Variants in TRPM6 observed in about 807,000 individuals in gnomAD.
The protein encoded by TRPM6 is channel kinase 2.
TRPM6 carries 111 observed loss-of-function variants against 247.6 expected under a neutral mutation model. The observed-to-expected ratio is 0.45, with a 90% CI of 0.38 to 0.52. The LOEUF is 0.52. Ranked by LOEUF, TRPM6 falls within the 20% of genes least tolerant of loss-of-function variation. The pLI, the probability that TRPM6 is intolerant of heterozygous loss-of-function variation, is 0.00. For synonymous variants in TRPM6, 892 were observed against 853.8 expected (o/e 1.04, Z -0.78); for missense variants, 2,126 against 2,421.5 (o/e 0.88, Z 2.56).
chr9:74,730,631 T>C (rs1825488571), intron 37 of TRPM6, among the ~76,000 whole-genome samples: 1 of 152,180 alleles, frequency 6.6e-6, no homozygotes. Flanking sequence ...CAGATTTTGG[T>C]TCAGTATTTC....
At chr9:74,759,326 G>C (rs1045069875) in intron 27 of TRPM6, among the ~76,000 whole-genome samples, 5 of 151,406 alleles carry the variant, frequency 3.3e-5, no homozygotes, top group African/African-American at 1.2e-4. Context: ...AAGAAAAATT[G>C]ACCTTTAATA....
At chr9:74,884,909 G>A (rs558011522) in intron 1 of TRPM6, among the ~76,000 whole-genome samples, 1 of 152,312 alleles carries the variant, frequency 6.6e-6, no homozygotes, top group African/African-American at 2.4e-5. Flanking sequence ...TAACAGAGAT[G>A]CAAAGTGAAT....
chr9:74,775,864 C>T lies in TRPM6; in HGVS notation c.3403+19G>A, dbSNP rs764467071. 2 of 1,613,590 alleles carry T rather than the reference C, an allele frequency of 1.2e-6. No individual in the cohort carries two copies. The highest frequency in any genetic ancestry group is 2.2e-5 in the South Asian group (2 of 91,048). On this transcript the variant is annotated intron_variant, in intron 24 of 38. Coordinates refer to ENST00000360774, the MANE Select transcript of TRPM6 (RefSeq NM_017662.5). ...CTACTTTTTGCTCTCTTTCTCCTGC[C>T]TCACATAGAACAACTTACTTAATCC...
intron 36 of TRPM6, among the ~76,000 whole-genome samples, chr9:74,733,740 T>C (rs145893001): frequency 1.2e-3 from 181 of 151,882 alleles, no homozygotes; most frequent in Non-Finnish European, 2.1e-3. Context: ...GCACTTTTAG[T>C]AGAGACCAGG....
intron 5 of TRPM6, among the ~76,000 whole-genome samples, chr9:74,837,841 C>G (rs1455998784): frequency 6.6e-6 from 1 of 151,466 alleles, no homozygotes; most frequent in African/African-American, 2.4e-5. Flanking sequence ...CCTTGACCTC[C>G]CAGGCTCAAG....
chr9:74,781,167 G>T (rs1217471449), intron 23 of TRPM6, among the ~76,000 whole-genome samples: 1 of 152,066 alleles, frequency 6.6e-6, no homozygotes, highest in Non-Finnish European at 1.5e-5. Context: ...CGGGCTCAGG[G>T]ACATTCCAAT....
chr9:74,761,826 A>G lies in TRPM6; in HGVS notation c.4673-18T>C. On this transcript the variant is annotated intron_variant, in intron 26 of 38. Coordinates refer to ENST00000360774, the MANE Select transcript of TRPM6 (RefSeq NM_017662.5). ...TGAAAGATCTGCAAGGAAATGGTCT[A>G]CATGAGAAAGTTGACAACAGTAAGT... The G allele has an allele frequency of 6.3e-7, 1 of 1,589,776 alleles. No homozygotes were observed.
chr9:74,847,892 T>A (rs1421034756), intron 3 of TRPM6, among the ~76,000 whole-genome samples: 3 of 152,152 alleles, frequency 2.0e-5, no homozygotes, highest in African/African-American at 7.2e-5. Flanking sequence ...TCCCTTACCT[T>A]CAGGGCATAT....
intron 1 of TRPM6, among the ~76,000 whole-genome samples, chr9:74,878,823 C>T (rs1831269392): frequency 6.6e-6 from 1 of 152,008 alleles, no homozygotes; most frequent in African/African-American, 2.4e-5. Context: ...AAACTAATGA[C>T]ATTAAAGAAG....
At chr9:74,802,983 A>G (rs1336115963) in intron 15 of TRPM6, among the ~76,000 whole-genome samples, 2 of 152,200 alleles carry the variant, frequency 1.3e-5, no homozygotes, top group East Asian at 1.9e-4. Flanking sequence ...CCACCTTCCA[A>G]GTTCAACCAA....
chr9:74,858,436 C>G (rs1406131735), intron 2 of TRPM6, among the ~76,000 whole-genome samples: 1 of 152,108 alleles, frequency 6.6e-6, no homozygotes, highest in African/African-American at 2.4e-5. Flanking sequence ...ATGTGGCAGG[C>G]ACTGTCACAG....
chr9:74,849,602 T>TA lies in TRPM6; in HGVS notation c.152+5924dup, dbSNP rs537138654. Among the ~76,000 whole-genome samples, 17 of 152,292 alleles carry TA rather than the reference T, an allele frequency of 1.1e-4. No homozygotes were observed. In the South Asian group the frequency reaches 3.5e-3, roughly 32 times the overall value. On this transcript the variant is annotated intron_variant, in intron 3 of 38. Coordinates refer to ENST00000360774, the MANE Select transcript of TRPM6 (RefSeq NM_017662.5). ...CTGTGAAAAGTTCATTTCTGTTGTTTAAGCCACCCAGTTTGTGGTATTTTG... is the reference window on the plus strand; with the variant it reads ...CTGTGAAAAGTTCATTTCTGTTGTTTAAAGCCACCCAGTTTGTGGTATTTTG...
chr9:74,782,648 T>C (rs1241927975), intron 22 of TRPM6, 31 bp downstream of exon 22: 1 of 1,612,148 alleles, frequency 6.2e-7, no homozygotes, highest in East Asian at 2.2e-5. Flanking sequence ...GAAGGCACAA[T>C]TTCTGCATGA....
Position 74,792,626 on chromosome 9 carries a change from T to C in TRPM6, c.2536A>G (p.Thr846Ala), listed in dbSNP as rs747533554. 1.2e-6 allele frequency: 2 copies of C among 1,614,038 alleles called. No individual in the cohort carries two copies. The highest frequency in any genetic ancestry group is 1.7e-6 in the Non-Finnish European group (2 of 1,179,968). The change falls in exon 19 of 39, where the codon ACG becomes GCG. Residue 846 changes from threonine (T) to alanine (A), a missense_variant and splice_region_variant. Thr to Ala is a moderately conservative substitution (Grantham distance 58). This residue lies in a region of TRPM6 where 1,082 missense variants were observed against 1,307.9 expected (regional missense o/e 0.83). Coordinates refer to ENST00000360774, the MANE Select transcript of TRPM6 (RefSeq NM_017662.5). ...SAPIVKFWFY[T>A]MAYLAFLMLF... is the part of the protein sequence containing the mutation. ...TATATTGTTGCAATGAGACCAACCG[T>C]ATAAAACCAAAACTTGACAATTGGA... is the stretch of plus-strand genomic sequence containing the variant.
At chr9:74,887,331 CA>C (rs1370399696) in intron 1 of TRPM6, 1 of 1,393,584 alleles carries the variant, frequency 7.2e-7, no homozygotes, top group Non-Finnish European at 9.3e-7. Flanking sequence ...GGCACTTCTC[CA>C]GCCGCCTCGG....
In TRPM6 at chr9:74,782,830, C is replaced by G; in HGVS notation, c.2943G>C (p.Val981=). ...TCAGCAGGACTATGGCCATGATGAT[C>G]ACAATATAGAACATGTTTGCTGTCT... ...AKMTANMFYI[V]IIMAIVLLSF... Residue 981 remains valine, a synonymous_variant, in exon 22 of 39, where the codon GTG becomes GTC. Transcript: ENST00000360774. The G allele has an allele frequency of 6.2e-7, 1 of 1,614,102 alleles. No homozygotes were observed. Among genetic ancestry groups the G allele is most frequent in the Non-Finnish European group, 8.5e-7 (1 of 1,180,030 alleles).
At chr9:74,883,071 A>C (rs1831413452) in intron 1 of TRPM6, among the ~76,000 whole-genome samples, 1 of 152,112 alleles carries the variant, frequency 6.6e-6, no homozygotes, top group Admixed American at 6.5e-5. Flanking sequence ...GTTTGTATGA[A>C]TTTGATTTCT....
intron 23 of TRPM6, among the ~76,000 whole-genome samples, chr9:74,777,692 T>C (rs1311671674): frequency 6.6e-6 from 1 of 152,148 alleles, no homozygotes; most frequent in Non-Finnish European, 1.5e-5. Context: ...CTCTAAACCG[T>C]GCCAGGGCAG....
chr9:74,880,502 A>C lies in TRPM6; in HGVS notation c.33+7322T>G, dbSNP rs575074012. Among the ~76,000 whole-genome samples, 57 of 152,314 alleles carry C rather than the reference A, an allele frequency of 3.7e-4. 1 individual carries two copies. Among genetic ancestry groups the C allele is most frequent in the Middle Eastern group, 3.4e-3 (1 of 294 alleles). On this transcript the variant is annotated intron_variant, in intron 1 of 38. Transcript: ENST00000360774. ...GACTAACAGCAAATTTCTCAATAGA[A>C]ACTTTACAAGCCAGGAGAGAATGCA...
Sources: gnomAD v4.1 joint callset for allele counts (sites outside exome capture counted in the v4.1 genomes callset) on GRCh38, gnomAD v4.1.1 for gene constraint, gnomAD v4.1.1 regional missense constraint, MANE v1.5 for transcripts, NCBI Gene and HGNC (gene_info 2026-07-23, HGNC 2026-07-21) for gene names.